Variants in MBP observed in about 807,000 individuals in gnomAD.
MBP encodes the protein Golli-MBP.
In MBP, 16 loss-of-function variants were observed where a neutral mutation model predicts 35.8. The observed-to-expected ratio is 0.45, with a 90% CI of 0.30 to 0.68. MBP has a LOEUF of 0.68. Among genes scored for constraint, MBP ranks in the 30% least tolerant of loss-of-function variants. MBP has a pLI of 0.08. For synonymous variants in MBP, 143 were observed against 159.6 expected (o/e 0.90, Z 0.78); for missense variants, 380 against 404.7 (o/e 0.94, Z 0.52).
At chr18:77,073,743 G>A (rs749272700) in intron 2 of MBP, among the ~76,000 whole-genome samples, 4 of 152,194 alleles carry the variant, frequency 2.6e-5, no homozygotes, top group Non-Finnish European at 4.4e-5. Context: ...ATGCAGACCT[G>A]TGGAAGGTTA....
At chr18:77,029,158 C>T (rs369419158) in intron 3 of MBP, among the ~76,000 whole-genome samples, 10,589 of 116,384 alleles carry the variant, frequency 0.091, 677 homozygotes, top group East Asian at 0.21. Context: ...TCTGCAATCC[C>T]GGCACCTCGG....
intron 3 of MBP, among the ~76,000 whole-genome samples, chr18:77,047,843 T>C (rs1320960477): frequency 2.6e-5 from 4 of 152,168 alleles, no homozygotes; most frequent in African/African-American, 9.7e-5. Context: ...GAACTGATTA[T>C]TTACCAGAAC....
intron 1 of MBP, among the ~76,000 whole-genome samples, chr18:77,116,008 G>A (rs369504036): frequency 1.4e-4 from 21 of 146,602 alleles, no homozygotes; most frequent in East Asian, 1.2e-3. Context: ...CTGGGCAACT[G>A]CCTTTCAGAA....
chr18:77,081,797 T>TATATACACACACAC (rs1568329925), intron 2 of MBP, among the ~76,000 whole-genome samples: 1 of 57,136 alleles, frequency 1.8e-5, no homozygotes, highest in African/African-American at 6.0e-5. Context: ...CACACACGTA[T>TATATACACACACAC]ATATATATGC....
intron 3 of MBP, among the ~76,000 whole-genome samples, chr18:77,033,130 G>A (rs1251904184): frequency 6.6e-6 from 1 of 152,084 alleles, no homozygotes; most frequent in Non-Finnish European, 1.5e-5. Flanking sequence ...ACCACGTCCA[G>A]ATAATTTTTG....
At chr18:77,116,461 A>G (rs547968366) in intron 1 of MBP, among the ~76,000 whole-genome samples, 1 of 152,346 alleles carries the variant, frequency 6.6e-6, no homozygotes, top group African/African-American at 2.4e-5. Flanking sequence ...CATTGAACAG[A>G]ACTAGATTTG....
In MBP at chr18:76,979,222, C is replaced by G. The variant is rs1599442706; in HGVS notation, c.*1205G>C. 1 of 152,160 alleles carries G rather than the reference C, an allele frequency of 6.6e-6. No individual in the cohort carries two copies. The highest frequency in any genetic ancestry group is 1.9e-4 in the East Asian group (1 of 5,168). The allele number at this position is 152,160 out of a possible 1,614,324, so 9.4% of individuals were successfully genotyped here. On this transcript the variant is annotated 3_prime_UTR_variant, in exon 9 of 9. Transcript: ENST00000355994. ...GGTGCGCTAAAATCAAAAGGTGGGT[C>G]AGTAGGTTAGGGAGGGAGGCGCGAA... is the stretch of plus-strand genomic sequence containing the variant.
chr18:77,106,039 T>C (rs1234649416), intron 1 of MBP, among the ~76,000 whole-genome samples: 2 of 152,228 alleles, frequency 1.3e-5, no homozygotes, highest in Non-Finnish European at 2.9e-5. Flanking sequence ...TGAGGGCCAC[T>C]GGAACCATCA....
chr18:77,057,315 T>C (rs117309789), intron 3 of MBP, among the ~76,000 whole-genome samples: 2 of 152,194 alleles, frequency 1.3e-5, no homozygotes, highest in African/African-American at 4.8e-5. Context: ...TCATCTGACA[T>C]GCAAGGCGGG....
chr18:77,009,832 A>G (rs927799418), intron 4 of MBP: 1 of 1,557,910 alleles, frequency 6.4e-7, no homozygotes, highest in African/African-American at 1.4e-5. Flanking sequence ...ATGGGTGAGG[A>G]CCCGCCGGCG....
chr18:77,016,590 T>G, intron 4 of MBP: 1 of 1,386,778 alleles, frequency 7.2e-7, no homozygotes, highest in Non-Finnish European at 9.3e-7. Flanking sequence ...GTCCTTACAT[T>G]CCTGAGCCAC....
intron 2 of MBP, among the ~76,000 whole-genome samples, chr18:77,092,747 C>T (rs78436609): frequency 0.015 from 2,245 of 152,222 alleles, 32 homozygotes; most frequent in Non-Finnish European, 0.021. Flanking sequence ...CAGCTAAAAA[C>T]AAGAGGACAA....
chr18:77,012,064 G>A (rs1039086243), intron 4 of MBP, among the ~76,000 whole-genome samples: 3 of 152,242 alleles, frequency 2.0e-5, no homozygotes, highest in African/African-American at 7.2e-5. Flanking sequence ...TGAGTTTAAA[G>A]GGAGGAGATG....
chr18:77,094,946 T>C (rs1365939947), intron 2 of MBP, among the ~76,000 whole-genome samples: 2 of 152,180 alleles, frequency 1.3e-5, no homozygotes, highest in Non-Finnish European at 2.9e-5. Context: ...ATATAGAACA[T>C]CTCCATTATG....
intron 4 of MBP, among the ~76,000 whole-genome samples, chr18:76,993,339 G>C (rs1344432307): frequency 6.6e-6 from 1 of 151,792 alleles, no homozygotes; most frequent in Admixed American, 6.6e-5. Context: ...GATTGCCTGA[G>C]GTCAGGAGTT....
At chr18:77,106,244 A>G (rs886636111) in intron 1 of MBP, among the ~76,000 whole-genome samples, 1 of 152,184 alleles carries the variant, frequency 6.6e-6, no homozygotes, top group Non-Finnish European at 1.5e-5. Context: ...TAGTAGATAC[A>G]CCCGAACACA....
In MBP at chr18:77,078,312, G is replaced by A. The variant is rs912630799; in HGVS notation, c.52-11927C>T. On this transcript the variant is annotated intron_variant, in intron 2 of 8. Coordinates refer to ENST00000355994, the MANE Select transcript of MBP (RefSeq NM_001025101.2). ...TACCTTCCTACCTCCACTTTCAACC[G>A]CCACGTTCCCTCCCTGTCATTCTAC... 4.6e-5 allele frequency among the ~76,000 whole-genome samples: 7 copies of A among 152,184 alleles called. No individual in the cohort carries two copies. The South Asian group carries it at 6.2e-4, about 14-fold the overall frequency.
intron 2 of MBP, among the ~76,000 whole-genome samples, chr18:77,087,980 G>T (rs958919941): frequency 6.6e-6 from 1 of 152,084 alleles, no homozygotes; most frequent in Non-Finnish European, 1.5e-5. Flanking sequence ...AGCGGGAGGA[G>T]CAGGCAGGTT....
At chr18:77,095,810 C>G (rs373049617) in intron 2 of MBP, among the ~76,000 whole-genome samples, 1 of 152,236 alleles carries the variant, frequency 6.6e-6, no homozygotes, top group African/African-American at 2.4e-5. Context: ...ACACCCCAGG[C>G]AGTTAGGATT....
Sources: allele counts gnomAD v4.1 joint callset (sites outside exome capture counted in the v4.1 genomes callset), GRCh38; gene constraint gnomAD v4.1.1; transcripts MANE v1.5; gene names NCBI Gene and HGNC (gene_info 2026-07-23, HGNC 2026-07-21).